CRNN: variants seen among roughly 807,000 people sequenced by gnomAD.
The protein encoded by CRNN is cornulin.
Under a neutral mutation model 44.7 loss-of-function variants are expected in CRNN, and 39 were observed. That is an observed-to-expected ratio of 0.87 (90% CI 0.68 to 1.14). CRNN has a LOEUF of 1.14. CRNN is among the 50% of genes most tolerant of loss of function. The pLI, the probability that CRNN is intolerant of heterozygous loss-of-function variation, is 0.00. For synonymous variants in CRNN, 240 were observed against 231.8 expected (o/e 1.04, Z -0.32); for missense variants, 606 against 605.1 (o/e 1.00, Z -0.02).
rs896875303 is a variant in CRNN, at chr1:152,411,001, C to T, written c.139-58G>A. 1.8e-5 allele frequency: 28 copies of T among 1,522,518 alleles called. No individual in the cohort carries two copies. In the African/African-American group the frequency reaches 3.3e-4, roughly 18 times the overall value. 94.3% of individuals were successfully genotyped at this position (1,522,518 alleles called of 1,614,324 possible). On this transcript the variant is annotated intron_variant, in intron 2 of 2. Coordinates refer to ENST00000271835, the MANE Select transcript of CRNN (RefSeq NM_016190.3). The stretch of plus-strand genomic sequence containing the variant: ...TCCCCTGAGGAGGACATGGGCAGGT[C>T]CCTTCCAATCTGCTGCCAGCTTCCC...
rs1181496244 is a variant in CRNN, at chr1:152,409,751, T to C, written c.1331A>G (p.Asp444Gly). The change falls in exon 3 of 3, where the codon GAT (aspartate) becomes GGT (glycine). Residue 444 changes from aspartate to glycine, a missense_variant. By Grantham distance (94) the Asp-to-Gly change is moderately conservative (BLOSUM62 -1). Coordinates refer to ENST00000271835, the MANE Select transcript of CRNN (RefSeq NM_016190.3). ...QPTVVGEEWV[D>G]DHSRETVILR... is the part of the protein sequence containing the mutation. The stretch of plus-strand genomic sequence containing the variant: ...GATCACTGTCTCCCTTGAGTGGTCA[T>C]CAACCCATTCCTCACCAACCACTGT... The C allele has an allele frequency of 6.2e-7, 1 of 1,614,090 alleles. No homozygotes were observed. Among genetic ancestry groups the C allele is most frequent in the Non-Finnish European group, 8.5e-7 (1 of 1,180,038 alleles).
Position 152,410,527 on chromosome 1 carries a change from G to C in CRNN, c.555C>G (p.Leu185=), listed in dbSNP as rs779105572. 1.2e-6 allele frequency: 2 copies of C among 1,614,194 alleles called. No homozygotes were observed. The highest frequency in any genetic ancestry group is 3.3e-5 in the Admixed American group (2 of 60,026). Residue 185 remains leucine, a synonymous_variant, in exon 3 of 3, where the codon CTC becomes CTG. Coordinates refer to ENST00000271835, the MANE Select transcript of CRNN (RefSeq NM_016190.3). Reference sequence around the variant, plus strand: ...TCTGGGTCTGCTCTGTCTGCCCAGAGAGTTGTATCTGCGGGCTTATTCTTT... The same window carrying C: ...TCTGGGTCTGCTCTGTCTGCCCAGACAGTTGTATCTGCGGGCTTATTCTTT... The part of the protein sequence containing the change: ...SQERISPQIQ[L]SGQTEQTQKA...
In CRNN at chr1:152,410,436, C is replaced by CCCTGGT. The variant is rs1403613900; in HGVS notation, c.640_645dup (p.Thr214_Arg215dup). The CCCTGGT allele has an allele frequency of 6.2e-7, 1 of 1,614,056 alleles. No individual in the cohort carries two copies. Among genetic ancestry groups the CCCTGGT allele is most frequent in the Non-Finnish European group, 8.5e-7 (1 of 1,180,050 alleles). On this transcript the variant is annotated inframe_insertion, in exon 3 of 3. Coordinates refer to ENST00000271835, the MANE Select transcript of CRNN (RefSeq NM_016190.3). ...CCTGTCTGGTGGGCTCTGTCCTGTT[C>CCCTGGT]CCTGGTCTGTGGCTGTCTCTCTGGC... is the stretch of plus-strand genomic sequence containing the variant.
chr1:152,413,901 CAGCACT>C (rs1301125402), intron 1 of CRNN, among the ~76,000 whole-genome samples: 2 of 152,316 alleles, frequency 1.3e-5, no homozygotes, highest in Non-Finnish European at 2.9e-5. Flanking sequence ...CATAGACTCT[CAGCACT>C]GCAAAGAAGC....
Position 152,409,773 on chromosome 1 carries a change from C to T in CRNN, c.1309G>A (p.Val437Met). Residue 437 changes from valine to methionine, a missense_variant, in exon 3 of 3, where the codon GTG (valine) becomes ATG (methionine). Physicochemically the swap from Val to Met is conservative, Grantham distance 21. Coordinates refer to ENST00000271835, the MANE Select transcript of CRNN (RefSeq NM_016190.3). ...TCATCAACCCATTCCTCACCAACCA[C>T]TGTGGGCTGTCTGTCTCCCTGCCCT... The part of the protein sequence containing the change: ...TEGQGDRQPT[V>M]VGEEWVDDHS... 3 of 1,614,256 alleles carry T rather than the reference C, an allele frequency of 1.9e-6. No homozygotes were observed. The highest frequency in any genetic ancestry group is 2.5e-6 in the Non-Finnish European group (3 of 1,180,040).
In CRNN at chr1:152,409,558, G is replaced by C. The variant is rs1655685314; in HGVS notation, c.*36C>G. ...AGGACAAGCCAAACTCTCTCCAGCT[G>C]TCTTCTTCCAGTACTGGACATTGGA... On this transcript the variant is annotated 3_prime_UTR_variant, in exon 3 of 3. Transcript: ENST00000271835. The C allele has an allele frequency of 6.3e-7, 1 of 1,576,758 alleles. No homozygotes were observed. The highest frequency in any genetic ancestry group is 1.7e-5 in the Admixed American group (1 of 57,718).
rs549585353 is a variant in CRNN at position 152,409,755 on chromosome 1, C to A, written c.1327G>T (p.Val443Phe). 3 of 1,614,228 alleles carry A rather than the reference C, an allele frequency of 1.9e-6. No homozygotes were observed. In the South Asian group the frequency reaches 3.3e-5, roughly 18 times the overall value. The stretch of plus-strand genomic sequence containing the variant: ...ACTGTCTCCCTTGAGTGGTCATCAA[C>A]CCATTCCTCACCAACCACTGTGGGC... ...RQPTVVGEEW[V>F]DDHSRETVIL... The change falls in exon 3 of 3, where the codon GTT (valine) becomes TTT (phenylalanine). Residue 443 changes from valine (V) to phenylalanine (F), a missense_variant. Physicochemically the swap from Val to Phe is conservative, Grantham distance 50 (BLOSUM62 -1). Transcript: ENST00000271835.
rs1272967908 is a variant in CRNN at position 152,412,386 on chromosome 1, C to T, written c.-13-140G>A. On this transcript the variant is annotated intron_variant, in intron 1 of 2. Transcript: ENST00000271835. ...CTTTGTCCTTTCCTACATAATGCAT[C>T]TTATGTATGGGAAGGAGGAGCACAC... 8.3e-6 allele frequency: 7 copies of T among 838,464 alleles called. No homozygotes were observed. The South Asian group carries it at 1.2e-4, about 14-fold the overall frequency. 51.9% of individuals were successfully genotyped at this position (838,464 alleles called of 1,614,324 possible).
rs1655704680 is a variant in CRNN at position 152,410,038 on chromosome 1, C to G, written c.1044G>C (p.Gln348His). The G allele has an allele frequency of 6.2e-7, 1 of 1,613,948 alleles. No homozygotes were observed. Among genetic ancestry groups the G allele is most frequent in the Admixed American group, 1.7e-5 (1 of 59,988 alleles). Residue 348 changes from glutamine (Q) to histidine (H), a missense_variant, in exon 3 of 3, where the codon CAG (glutamine) becomes CAC (histidine). Physicochemically the swap from Gln to His is conservative, Grantham distance 24. Transcript: ENST00000271835. ...TCTCGGTGTGTGACCCTGCCTGTAT[C>G]TGAGTGTGTCCTCCTGTCACAGCCT... ...TSQAVTGGHT[Q>H]IQAGSHTETV...
rs1395637200 is a variant in CRNN at position 152,410,837 on chromosome 1, G to A, written c.245C>T (p.Ala82Val). The A allele has an allele frequency of 1.9e-6, 3 of 1,614,212 alleles. No individual in the cohort carries two copies. Among genetic ancestry groups the A allele is most frequent in the African/African-American group, 1.3e-5 (1 of 75,058 alleles). Residue 82 changes from alanine to valine, a missense_variant, in exon 3 of 3, where the codon GCC becomes GTC. Transcript: ENST00000271835. ...GCTCAGTGTCTTGAAACAGGCCTGG[G>A]CAACTTTAAACACTAAGACCAGGAA... Reference protein sequence around the residue: ...KEFLVLVFKVAQACFKTLSES... With the variant: ...KEFLVLVFKVVQACFKTLSES...
In CRNN at chr1:152,412,254, A is replaced by G. The variant is rs556962823; in HGVS notation, c.-13-8T>C. On this transcript the variant is annotated splice_region_variant and splice_polypyrimidine_tract_variant and intron_variant, in intron 1 of 2. Coordinates refer to ENST00000271835, the MANE Select transcript of CRNN (RefSeq NM_016190.3). The stretch of plus-strand genomic sequence containing the variant: ...GGCATCTTTGAAGTCAACCTGGAAA[A>G]GATGAAAAGTTCCCTTGGAGGCTCC... 2 of 1,596,054 alleles carry G rather than the reference A, an allele frequency of 1.3e-6. No homozygotes were observed. Among genetic ancestry groups the G allele is most frequent in the Admixed American group, 1.7e-5 (1 of 59,474 alleles).
In CRNN at chr1:152,410,103, C is replaced by G; in HGVS notation, c.979G>C (p.Gly327Arg). Reference protein sequence around the residue: ...TQESTNGQNRGTEIHGQGRSQ... With the variant: ...TQESTNGQNRRTEIHGQGRSQ... ...CTGCCTTGACCGTGGATCTCAGTCC[C>G]TCTGTTCTGGCCATTGGTGGACTCC... Residue 327 changes from glycine (G) to arginine (R), a missense_variant, in exon 3 of 3, where the codon GGG becomes CGG. By Grantham distance (125) the Gly-to-Arg change is moderately radical (BLOSUM62 -2). Transcript: ENST00000271835. The G allele has an allele frequency of 6.2e-7, 1 of 1,613,814 alleles. No individual in the cohort carries two copies. Among genetic ancestry groups the G allele is most frequent in the South Asian group, 1.1e-5 (1 of 91,032 alleles).
Position 152,410,764 on chromosome 1 carries a change from G to T in CRNN, c.318C>A (p.His106Gln). The T allele has an allele frequency of 6.2e-7, 1 of 1,614,248 alleles. No individual in the cohort carries two copies. Among genetic ancestry groups the T allele is most frequent in the Non-Finnish European group, 8.5e-7 (1 of 1,180,046 alleles). Residue 106 changes from histidine to glutamine, a missense_variant, in exon 3 of 3, where the codon CAC becomes CAA. His to Gln is a conservative substitution (Grantham distance 24). Coordinates refer to ENST00000271835, the MANE Select transcript of CRNN (RefSeq NM_016190.3). The stretch of plus-strand genomic sequence containing the variant: ...CGCCCAGCTCCTGCGAGGCCCCAGA[G>T]TGGAGGCTTCCAGACTCTTGAGAGC... The part of the protein sequence containing the change: ...ACGSQESGSL[H>Q]SGASQELGEG...
intron 2 of CRNN, 21 bp from the exon 3 acceptor site, chr1:152,410,964 A>T: frequency 6.3e-7 from 1 of 1,580,288 alleles, no homozygotes; most frequent in Non-Finnish European, 8.6e-7. Flanking sequence ...GATGAGGTGG[A>T]GTCAGCATCC....
Position 152,410,628 on chromosome 1 carries a change from C to A in CRNN, c.454G>T (p.Val152Phe), listed in dbSNP as rs866328569. Residue 152 changes from valine to phenylalanine, a missense_variant, in exon 3 of 3, where the codon GTT (valine) becomes TTT (phenylalanine). Physicochemically the swap from Val to Phe is conservative, Grantham distance 50. Transcript: ENST00000271835. The part of the protein sequence containing the change: ...QGSRGQNRPG[V>F]QTQGQATGSA... ...CCAGTGGCCTGACCCTGGGTCTGAA[C>A]CCCAGGCCTGTTCTGCCCTCTGGAA... 1.2e-6 allele frequency: 2 copies of A among 1,614,102 alleles called. No homozygotes were observed. Among genetic ancestry groups the A allele is most frequent in the Non-Finnish European group, 1.7e-6 (2 of 1,180,002 alleles).
Position 152,414,214 on chromosome 1 carries a change from C to A in CRNN, c.-14G>T, listed in dbSNP as rs563915999. On this transcript the variant is annotated splice_region_variant and 5_prime_UTR_variant, in exon 1 of 3. It adds an upstream start codon to the 5' untranslated region. Coordinates refer to ENST00000271835, the MANE Select transcript of CRNN (RefSeq NM_016190.3). Reference sequence around the variant, plus strand: ...AGAGGTTTCTTATGAGGGGACTTACCTAATGCCCAGGTGGGATGAAACAAG... The same window carrying A: ...AGAGGTTTCTTATGAGGGGACTTACATAATGCCCAGGTGGGATGAAACAAG... 53 of 152,688 alleles carry A rather than the reference C, an allele frequency of 3.5e-4. 1 individual carries two copies. The highest frequency in any genetic ancestry group is 6.7e-3 in the Middle Eastern group (2 of 298). The allele number at this position is 152,688 out of a possible 1,614,324, so 9.5% of individuals were successfully genotyped here.
chr1:152,412,063 T>C lies in CRNN; in HGVS notation c.138+33A>G, dbSNP rs748905042. The C allele has an allele frequency of 1.1e-5, 18 of 1,572,606 alleles. No individual in the cohort carries two copies. In the South Asian group the frequency reaches 1.7e-4, roughly 15 times the overall value. On this transcript the variant is annotated intron_variant, in intron 2 of 2. Coordinates refer to ENST00000271835, the MANE Select transcript of CRNN (RefSeq NM_016190.3). ...CAAACCAGGTTTCACTCTCCTGCTA[T>C]GTCCCCTCTCCACCCGGCTCAGCAC...
Position 152,409,645 on chromosome 1 carries a change from T to C in CRNN, c.1437A>G (p.Arg479=). The change falls in exon 3 of 3, where the codon CGA becomes CGG. Residue 479 remains arginine, a synonymous_variant. Transcript: ENST00000271835. ...GQDAAQSEEK[R]GITARELYSY... is the part of the protein sequence containing the mutation. ...AATACAGCTCTCTAGCTGTGATGCC[T>C]CGCTTCTCTTCTGACTGGGCTGCAT... is the stretch of plus-strand genomic sequence containing the variant. The C allele has an allele frequency of 6.2e-7, 1 of 1,614,098 alleles. No homozygotes were observed. The highest frequency in any genetic ancestry group is 8.5e-7 in the Non-Finnish European group (1 of 1,180,000).
Position 152,412,198 on chromosome 1 carries a change from G to A in CRNN, c.36C>T (p.Ile12=), listed in dbSNP as rs1394330908. ...PQLLQNINGI[I]EAFRRYARTE... ...TCCTTGCATAGCGCCTGAAGGCCTC[G>A]ATGATCCCATTAATGTTTTGCAGTA... The change falls in exon 2 of 3, where the codon ATC becomes ATT. Residue 12 remains isoleucine (I), a synonymous_variant. Transcript: ENST00000271835. The A allele has an allele frequency of 5.0e-6, 8 of 1,613,202 alleles. No homozygotes were observed. Among genetic ancestry groups the A allele is most frequent in the East Asian group, 2.2e-5 (1 of 44,860 alleles).
Sources: allele counts gnomAD v4.1 joint callset (sites outside exome capture counted in the v4.1 genomes callset), GRCh38; gene constraint gnomAD v4.1.1; transcripts MANE v1.5; gene names NCBI Gene and HGNC (gene_info 2026-07-23, HGNC 2026-07-21).